Variants in GLI2 observed in about 807,000 individuals in gnomAD.
GLI2 encodes the protein transcription activator GLI2.
GLI2 carries 22 observed loss-of-function variants against 78.9 expected under a neutral mutation model. The observed-to-expected ratio is 0.28, with a 90% CI of 0.20 to 0.40. The LOEUF (loss-of-function observed/expected upper bound fraction) is 0.40. Among genes scored for constraint, GLI2 ranks in the 10% least tolerant of loss-of-function variants. The pLI is 1.00. For synonymous variants in GLI2, 974 were observed against 963.7 expected, an observed-to-expected ratio of 1.01 and a Z score of -0.20; for missense variants, 2,097 against 2,213.2, an observed-to-expected ratio of 0.95 and a Z score of 1.05.
chr2:120,775,911 G>A (rs569648180), intron 1 of GLI2, among the ~76,000 whole-genome samples: 61 of 152,354 alleles, frequency 4.0e-4, no homozygotes, highest in African/African-American at 1.1e-3. Context: ...GCCTTCCCCC[G>A]GGCTCCCATC....
intron 2 of GLI2, among the ~76,000 whole-genome samples, chr2:120,922,994 C>T (rs1241272790): frequency 2.0e-5 from 3 of 152,118 alleles, no homozygotes; most frequent in African/African-American, 7.2e-5. Context: ...CCTCCCCAGG[C>T]CTCTTTCTGG....
chr2:120,809,693 G>C (rs956516338), intron 2 of GLI2, among the ~76,000 whole-genome samples: 1 of 152,296 alleles, frequency 6.6e-6, no homozygotes. Flanking sequence ...CTACCCCTCA[G>C]GGAGGACCCT....
In GLI2 at chr2:120,980,110, G is replaced by A. The variant is rs116183227; in HGVS notation, c.1467+1527G>A. On this transcript the variant is annotated intron_variant, in intron 10 of 13. Transcript: ENST00000361492. ...GAATAATGCTGCTATGAACATGTGC[G>A]TTCATGTTTTTATATGGACAGAACG... Among the ~76,000 whole-genome samples, 458 of 152,276 alleles carry A rather than the reference G, an allele frequency of 3.0e-3. 3 individuals are homozygous for A. The highest frequency in any genetic ancestry group is 0.01 in the Middle Eastern group (3 of 294).
chr2:120,896,620 T>G (rs1475633145), intron 2 of GLI2, among the ~76,000 whole-genome samples: 1 of 149,996 alleles, frequency 6.7e-6, no homozygotes, highest in Non-Finnish European at 1.5e-5. Flanking sequence ...TACCATGGCT[T>G]CCTTTGAAAA....
rs746257608 is a variant in GLI2, at chr2:120,982,877, C to T, written c.1629C>T (p.Asn543=). 1.4e-5 allele frequency: 23 copies of T among 1,613,720 alleles called. No homozygotes were observed. The highest frequency in any genetic ancestry group is 1.6e-4 in the Middle Eastern group (1 of 6,080). Residue 543 remains asparagine (N), a synonymous_variant, in exon 11 of 14, where the codon AAC becomes AAT. Coordinates refer to ENST00000361492, the MANE Select transcript of GLI2 (RefSeq NM_001374353.1). The part of the protein sequence containing the change: ...RAKHQNRTHS[N]EKPYICKIPG... ...AGCACCAGAATCGCACCCACTCCAA[C>T]GAGGTACCTCTGCGGGGCATGCACT... is the stretch of plus-strand genomic sequence containing the variant.
chr2:120,874,613 T>C (rs1416593185), intron 2 of GLI2, among the ~76,000 whole-genome samples: 1 of 152,208 alleles, frequency 6.6e-6, no homozygotes. Flanking sequence ...GTAGCATTTG[T>C]GCTTTTTGTT....
In GLI2 at chr2:120,841,430, G is replaced by A. The variant is rs1573462859; in HGVS notation, c.148+43962G>A. 2.0e-5 allele frequency among the ~76,000 whole-genome samples: 3 copies of A among 152,228 alleles called. No individual in the cohort carries two copies. The East Asian group carries it at 5.8e-4, about 29-fold the overall frequency. On this transcript the variant is annotated intron_variant, in intron 2 of 13. Coordinates refer to ENST00000361492, the MANE Select transcript of GLI2 (RefSeq NM_001374353.1). Reference sequence around the variant, plus strand: ...GGGCCATCCTGCACGCTGCTCTGCTGTGTGATCTCTGCAGGACACTTGACC... The same window carrying A: ...GGGCCATCCTGCACGCTGCTCTGCTATGTGATCTCTGCAGGACACTTGACC...
At chr2:120,860,054 G>A (rs1247214717) in intron 2 of GLI2, among the ~76,000 whole-genome samples, 4 of 152,178 alleles carry the variant, frequency 2.6e-5, no homozygotes, top group Admixed American at 2.0e-4. Context: ...CCCTCTGTCT[G>A]CTCCCCAGAG....
chr2:120,989,570 T>A lies in GLI2; in HGVS notation c.3605T>A (p.Val1202Glu). 6.2e-7 allele frequency: 1 copy of A among 1,612,758 alleles called. No homozygotes were observed. Among genetic ancestry groups the A allele is most frequent in the Non-Finnish European group, 8.5e-7 (1 of 1,179,828 alleles). ...SGAPSQGIPR[V>E]NYMQQLRQPV... ...GCCCCCTCCCAGGGCATCCCCAGGG[T>A]AAACTACATGCAGCAGCTGCGACAG... Residue 1202 changes from valine to glutamate, a missense_variant, in exon 14 of 14, where the codon GTA becomes GAA. Val to Glu is a moderately radical substitution (Grantham distance 121, BLOSUM62 -2). Coordinates refer to ENST00000361492, the MANE Select transcript of GLI2 (RefSeq NM_001374353.1).
chr2:120,836,663 A>C (rs970915), intron 2 of GLI2, among the ~76,000 whole-genome samples: 29,108 of 152,188 alleles, frequency 0.19, 3,150 homozygotes, highest in African/African-American at 0.28. Flanking sequence ...CAAGTATTAA[A>C]GTTTTGTCAG....
chr2:120,762,919 G>A (rs1035300653), intron 1 of GLI2, among the ~76,000 whole-genome samples: 6 of 152,250 alleles, frequency 3.9e-5, no homozygotes, highest in Non-Finnish European at 7.3e-5. Context: ...GATCCGAGGA[G>A]GAAAGGCTTC....
intron 1 of GLI2, among the ~76,000 whole-genome samples, chr2:120,753,860 G>A (rs1336744550): frequency 6.7e-6 from 1 of 150,048 alleles, no homozygotes; most frequent in African/African-American, 2.5e-5. Context: ...CTCACGCGGT[G>A]AGCCGAGATC....
chr2:120,819,847 G>A (rs1188939123), intron 2 of GLI2, among the ~76,000 whole-genome samples: 1 of 152,304 alleles, frequency 6.6e-6, no homozygotes, highest in East Asian at 1.9e-4. Flanking sequence ...TCCAAGAGAA[G>A]TCATTTCCAG....
chr2:120,825,541 GGAGTGTGCTCCTGGCTGT>G lies in GLI2; in HGVS notation c.148+28093_148+28110del, dbSNP rs1356281597. Among the ~76,000 whole-genome samples, 13 of 151,454 alleles carry G rather than the reference GGAGTGTGCTCCTGGCTGT, an allele frequency of 8.6e-5. No individual in the cohort carries two copies. In the South Asian group the frequency reaches 1.5e-3, roughly 17 times the overall value. On this transcript the variant is annotated intron_variant, in intron 2 of 13. Transcript: ENST00000361492. ...ACTGTGAGTGTGTGCCTAGCTGTAA[GGAGTGTGCTCCTGGCTGT>G]GAGTGTGCTCCTGGCTGTGGGTGTG...
In GLI2 at chr2:120,927,464, C is replaced by T. The variant is rs201412339; in HGVS notation, c.252C>T (p.His84=). 1.2e-4 allele frequency: 195 copies of T among 1,601,922 alleles called. No individual in the cohort carries two copies. Among genetic ancestry groups the T allele is most frequent in the Middle Eastern group, 5.0e-4 (3 of 6,042 alleles). The change falls in exon 3 of 14, where the codon CAC becomes CAT. Residue 84 remains histidine, a splice_region_variant and synonymous_variant. Coordinates refer to ENST00000361492, the MANE Select transcript of GLI2 (RefSeq NM_001374353.1). ...AGCCTCATTCTGTCCACGGTGTGCACGGGTAAGTCCTGCCCTCTGCCTGCT... is the reference window on the plus strand; with the variant it reads ...AGCCTCATTCTGTCCACGGTGTGCATGGGTAAGTCCTGCCCTCTGCCTGCT... ...HYEPHSVHGV[H]GPPALSGSPV...
chr2:120,915,304 T>C (rs1383581276), intron 2 of GLI2, among the ~76,000 whole-genome samples: 2 of 152,254 alleles, frequency 1.3e-5, no homozygotes, highest in Non-Finnish European at 2.9e-5. Flanking sequence ...GTGAGTGGCC[T>C]GGGCCTCAGC....
At position 120,990,911 on chromosome 2, in the gene GLI2, A is replaced by G. The variant is rs1683270600; in HGVS notation, c.*236A>G. The G allele has an allele frequency of 1.8e-6, 1 of 559,354 alleles. No homozygotes were observed. The highest frequency in any genetic ancestry group is 2.9e-5 in the East Asian group (1 of 34,104). The allele number at this position is 559,354 out of a possible 1,614,324, so 34.6% of individuals were successfully genotyped here. The stretch of plus-strand genomic sequence containing the variant: ...GTCTCCATAGGACAGGAAGGAATGC[A>G]AAACTCATTTACACAGTGCTTTCCA... On this transcript the variant is annotated 3_prime_UTR_variant, in exon 14 of 14. Transcript: ENST00000361492.
chr2:120,970,455 A>C lies in GLI2; in HGVS notation c.908A>C (p.Gln303Pro), dbSNP rs761750550. 6.2e-7 allele frequency: 1 copy of C among 1,613,668 alleles called. No homozygotes were observed. The highest frequency in any genetic ancestry group is 1.1e-5 in the South Asian group (1 of 91,054). ...PVAYQQILSQ[Q>P]RGLGSAFGHT... is the part of the protein sequence containing the mutation. ...GCCTACCAGCAGATTCTGAGCCAGC[A>C]GAGGGGTCTGGGGTCAGCCTTTGGA... is the stretch of plus-strand genomic sequence containing the variant. The change falls in exon 7 of 14, where the codon CAG (glutamine) becomes CCG (proline). Residue 303 changes from glutamine (Q) to proline (P), a missense_variant. Coordinates refer to ENST00000361492, the MANE Select transcript of GLI2 (RefSeq NM_001374353.1).
intron 2 of GLI2, among the ~76,000 whole-genome samples, chr2:120,807,549 A>C (rs1298359678): frequency 2.0e-5 from 3 of 152,218 alleles, no homozygotes; most frequent in Non-Finnish European, 4.4e-5. Flanking sequence ...ATGAGTTAGC[A>C]GTTCACCCGT....
Sources: gnomAD v4.1 joint callset for allele counts (sites outside exome capture counted in the v4.1 genomes callset) on GRCh38, gnomAD v4.1.1 for gene constraint, MANE v1.5 for transcripts, NCBI Gene and HGNC (gene_info 2026-07-23, HGNC 2026-07-21) for gene names.